The following RAB27A variants were observed in gnomAD, a reference collection of about 807,000 sequenced individuals.
The protein encoded by RAB27A is ras-related protein Rab-27A.
In RAB27A, 17 loss-of-function variants were observed where a neutral mutation model predicts 20.8. The ratio of observed to expected loss-of-function variants is 0.82; its 90% CI spans 0.56 to 1.23. The LOEUF is 1.23. Ranked by LOEUF, RAB27A falls within the 50% of genes most tolerant of loss-of-function variation. The pLI is 0.00. For synonymous variants in RAB27A, 85 were observed against 92.8 expected (o/e 0.92, Z 0.48); for missense variants, 277 against 266.7 (o/e 1.04, Z -0.27).
At position 55,276,958 on chromosome 15, in the gene RAB27A, A is replaced by C. The variant is rs372998211; in HGVS notation, c.-142-6674T>G. On this transcript the variant is annotated intron_variant, in intron 1 of 6. Coordinates refer to ENST00000336787, the MANE Select transcript of RAB27A (RefSeq NM_183235.3). ...AAATTCATCAAGATGTATACATTAA[A>C]TATGTACAGACTTTTTATCTGTCAA... Among the ~76,000 whole-genome samples the C allele has an allele frequency of 3.9e-4, 59 of 152,346 alleles. No individual in the cohort carries two copies. In the East Asian group the frequency reaches 7.5e-3, roughly 19 times the overall value.
chr15:55,263,768 T>C (rs1215464244), intron 2 of RAB27A, among the ~76,000 whole-genome samples: 1 of 110,386 alleles, frequency 9.1e-6, no homozygotes, highest in Non-Finnish European at 1.8e-5. Context: ...TTTGCCAAGT[T>C]TTTCCATTAG....
intron 2 of RAB27A, among the ~76,000 whole-genome samples, chr15:55,313,719 CAAAA>C (rs1226604064): frequency 6.6e-6 from 1 of 152,080 alleles, no homozygotes; most frequent in East Asian, 1.9e-4. Context: ...ACTAAAAATA[CAAAA>C]ATTACTTCGG....
At chr15:55,312,045 C>T (rs908514579) in intron 2 of RAB27A, among the ~76,000 whole-genome samples, 9 of 152,306 alleles carry the variant, frequency 5.9e-5, no homozygotes, top group African/African-American at 1.2e-4. Context: ...CCGTGGGTCA[C>T]GGAAGAGAAC....
At position 55,230,430 on chromosome 15, in the gene RAB27A, C is replaced by T; in HGVS notation, c.210G>A (p.Leu70=). The T allele has an allele frequency of 6.2e-7, 1 of 1,613,902 alleles. No homozygotes were observed. The highest frequency in any genetic ancestry group is 1.1e-5 in the South Asian group (1 of 91,086). ...CCTGCCCTGCTGTGTCCCATAACTGCAGGTGGATTCTCTGGCCTCTGCCAG... is the reference window on the plus strand; with the variant it reads ...CCTGCCCTGCTGTGTCCCATAACTGTAGGTGGATTCTCTGGCCTCTGCCAG... ...GATGRGQRIH[L]QLWDTAGQER... The change falls in exon 4 of 7, where the codon CTG becomes CTA. Residue 70 remains leucine (L), a synonymous_variant. Transcript: ENST00000336787.
At chr15:55,299,913 T>C (rs1270935146) in intron 2 of RAB27A, among the ~76,000 whole-genome samples, 5 of 151,496 alleles carry the variant, frequency 3.3e-5, no homozygotes, top group African/African-American at 1.2e-4. Context: ...CTCCGCCTCC[T>C]GGGTTCATGC....
chr15:55,255,415 T>C (rs1184769271), intron 2 of RAB27A, among the ~76,000 whole-genome samples: 1 of 152,218 alleles, frequency 6.6e-6, no homozygotes, highest in East Asian at 1.9e-4. Context: ...TTTGGTACAG[T>C]TGCATATTTC....
chr15:55,203,616 G>C lies in RAB27A; in HGVS notation c.*1891C>G, dbSNP rs1181435853. 1.4e-5 allele frequency: 2 copies of C among 147,814 alleles called. No individual in the cohort carries two copies. Among genetic ancestry groups the C allele is most frequent in the African/African-American group, 5.0e-5 (2 of 40,386 alleles). 9.2% of individuals were successfully genotyped at this position (147,814 alleles called of 1,614,324 possible). A position where few individuals can be genotyped will look rare whatever the true frequency, so the allele number is the denominator to read the frequency against. On this transcript the variant is annotated 3_prime_UTR_variant, in exon 7 of 7. Coordinates refer to ENST00000336787, the MANE Select transcript of RAB27A (RefSeq NM_183235.3). ...TTTTTTTTTTTTTAGTAGAGATGGG[G>C]TTTCACTGTGTTAGCCAGGATGGTC...
rs551174906 is a variant in RAB27A, at chr15:55,204,622, T to C, written c.*885A>G. On this transcript the variant is annotated 3_prime_UTR_variant, in exon 7 of 7. Coordinates refer to ENST00000336787, the MANE Select transcript of RAB27A (RefSeq NM_183235.3). Reference sequence around the variant, plus strand: ...GAGGATGCCAGATCAACATTATAAATATGAAGAAAAAGAAACTAAATATTT... The same window carrying C: ...GAGGATGCCAGATCAACATTATAAACATGAAGAAAAAGAAACTAAATATTT... 1 of 152,286 alleles carries C rather than the reference T, an allele frequency of 6.6e-6. No homozygotes were observed. Among genetic ancestry groups the C allele is most frequent in the African/African-American group, 2.4e-5 (1 of 41,556 alleles). 9.4% of individuals were successfully genotyped at this position (152,286 alleles called of 1,614,324 possible). A position where few individuals can be genotyped will look rare whatever the true frequency, so the allele number is the denominator to read the frequency against.
In RAB27A at chr15:55,248,416, C is replaced by T. The variant is rs542163351; in HGVS notation, c.-22-13460G>A. ...TGAAACTAACAATATTAGTGCTTTTCTTGTAACACACTGAGTTGCTATATC... is the reference window on the plus strand; with the variant it reads ...TGAAACTAACAATATTAGTGCTTTTTTTGTAACACACTGAGTTGCTATATC... On this transcript the variant is annotated intron_variant, in intron 2 of 6. Coordinates refer to ENST00000336787, the MANE Select transcript of RAB27A (RefSeq NM_183235.3). Among the ~76,000 whole-genome samples, 7 of 152,298 alleles carry T rather than the reference C, an allele frequency of 4.6e-5. No homozygotes were observed. In the East Asian group the frequency reaches 1.2e-3, roughly 25 times the overall value.
At chr15:55,274,776 C>G (rs1897803285) in intron 1 of RAB27A, among the ~76,000 whole-genome samples, 1 of 48,242 alleles carries the variant, frequency 2.1e-5, no homozygotes, top group Non-Finnish European at 4.7e-5. Context: ...AGAATCCGTC[C>G]TTAAAAAAAT....
At position 55,241,626 on chromosome 15, in the gene RAB27A, G is replaced by A. The variant is rs867791487; in HGVS notation, c.-22-6670C>T. 4.2e-3 allele frequency among the ~76,000 whole-genome samples: 447 copies of A among 106,518 alleles called. 2 individuals carry two copies. Among genetic ancestry groups the A allele is most frequent in the African/African-American group, 0.018 (289 of 16,182 alleles). 69.9% of individuals were successfully genotyped at this position (106,518 alleles called of 152,430 possible). ...TATATATATATATATATATATATAT[G>A]TGTGTATATATATTTGTTTTTTTTT... On this transcript the variant is annotated intron_variant, in intron 2 of 6. Coordinates refer to ENST00000336787, the MANE Select transcript of RAB27A (RefSeq NM_183235.3).
intron 5 of RAB27A, among the ~76,000 whole-genome samples, chr15:55,228,110 A>G (rs1372271026): frequency 6.6e-6 from 1 of 152,164 alleles, no homozygotes; most frequent in African/African-American, 2.4e-5. Context: ...TCCTCCTGAA[A>G]GATGCTCTAA....
chr15:55,263,625 C>T (rs1317392457), intron 2 of RAB27A, among the ~76,000 whole-genome samples: 3 of 152,118 alleles, frequency 2.0e-5, no homozygotes, highest in Non-Finnish European at 1.5e-5. Flanking sequence ...CAAGGAATAA[C>T]GTTTATGCAT....
intron 5 of RAB27A, among the ~76,000 whole-genome samples, chr15:55,228,364 C>A (rs374824919): frequency 6.6e-6 from 1 of 152,172 alleles, no homozygotes; most frequent in African/African-American, 2.4e-5. Context: ...AAGAGGAGAG[C>A]ACACATAAAG....
intron 2 of RAB27A, among the ~76,000 whole-genome samples, chr15:55,297,300 C>G (rs2054953843): frequency 6.6e-6 from 1 of 152,196 alleles, no homozygotes; most frequent in African/African-American, 2.4e-5. Context: ...AACATGCAAG[C>G]CGTGCAAAGC....
intron 6 of RAB27A, among the ~76,000 whole-genome samples, chr15:55,215,834 T>C (rs1387066105): frequency 2.0e-5 from 3 of 148,978 alleles, no homozygotes; most frequent in African/African-American, 7.5e-5. Context: ...TAATCCCAGC[T>C]ACTCAGGAGG....
upstream of RAB27A, among the ~76,000 whole-genome samples, chr15:55,292,909 G>A (rs1262422730): frequency 6.6e-6 from 1 of 152,172 alleles, no homozygotes; most frequent in Non-Finnish European, 1.5e-5. Context: ...TAAGGCATGA[G>A]CAATGGAAGT....
chr15:55,223,871 C>G lies in RAB27A; in HGVS notation c.467+18G>C. 6.2e-7 allele frequency: 1 copy of G among 1,612,648 alleles called. No homozygotes were observed. ...TATTGAAAATGTTTTCTCTAGACTT[C>G]TCCACAAAAATACTCACCCATATTT... On this transcript the variant is annotated intron_variant, in intron 6 of 6. Transcript: ENST00000336787.
chr15:55,293,916 TA>T (rs1007081752), upstream of RAB27A, among the ~76,000 whole-genome samples: 361 of 147,220 alleles, frequency 2.5e-3, no homozygotes, highest in African/African-American at 8.3e-3. Flanking sequence ...ACTTCTCAGA[TA>T]AAAAAAAAAG....
Sources: allele counts gnomAD v4.1 joint callset (sites outside exome capture counted in the v4.1 genomes callset), GRCh38; gene constraint gnomAD v4.1.1; transcripts MANE v1.5; gene names NCBI Gene and HGNC (gene_info 2026-07-23, HGNC 2026-07-21).